Variants in CDK6 observed in about 807,000 individuals in gnomAD.
The protein encoded by CDK6 is cyclin-dependent kinase 6.
A neutral mutation model predicts 37.1 loss-of-function variants in CDK6; 6 were observed. The observed-to-expected ratio is 0.16, with a 90% confidence interval of 0.09 to 0.32. The LOEUF (loss-of-function observed/expected upper bound fraction) is 0.32. CDK6 is among the 10% of genes least tolerant of loss of function. The probability of loss-of-function intolerance (pLI) is 1.00; values close to 1 mark genes in which losing one functional copy is unlikely to be tolerated. For synonymous variants in CDK6, 160 were observed against 161.3 expected (o/e 0.99, Z 0.06); for missense variants, 224 against 418.9 (o/e 0.53, Z 4.06).
intron 3 of CDK6, among the ~76,000 whole-genome samples, chr7:92,764,139 CTTTT>C (rs397891071): frequency 7.1e-6 from 1 of 140,446 alleles, no homozygotes; most frequent in Non-Finnish European, 1.6e-5. Flanking sequence ...GTTTATTTGT[CTTTT>C]TTTTTTTTTT....
intron 2 of CDK6, among the ~76,000 whole-genome samples, chr7:92,817,681 C>CAT (rs143874344): frequency 0.018 from 2,730 of 150,592 alleles, 81 homozygotes; most frequent in African/African-American, 0.061. Context: ...AAATAAAAGA[C>CAT]ATATATATAT....
intron 4 of CDK6, among the ~76,000 whole-genome samples, chr7:92,695,855 G>A (rs939727490): frequency 6.6e-6 from 1 of 152,164 alleles, no homozygotes; most frequent in African/African-American, 2.4e-5. Context: ...CAGCTCTCAC[G>A]TTAACCCCTT....
rs554511628 is a variant in CDK6, at chr7:92,697,524, C to T, written c.538-25989G>A. Among the ~76,000 whole-genome samples the T allele has an allele frequency of 1.8e-4, 27 of 152,254 alleles. No individual in the cohort carries two copies. In the South Asian group the frequency reaches 5.2e-3, roughly 29 times the overall value. ...AACATGTTAATAACTACAGTAGTCC[C>T]ACAACTAGCCACTTGTCAGAGATAC... On this transcript the variant is annotated intron_variant, in intron 4 of 7. Transcript: ENST00000424848.
intron 4 of CDK6, among the ~76,000 whole-genome samples, chr7:92,693,143 AAC>A (rs1298328004): frequency 2.6e-5 from 4 of 152,198 alleles, no homozygotes; most frequent in African/African-American, 9.7e-5. Context: ...CACAGGCCCA[AAC>A]TCTCTTTTTT....
chr7:92,799,734 A>G (rs570262035), intron 2 of CDK6, among the ~76,000 whole-genome samples: 1 of 152,264 alleles, frequency 6.6e-6, no homozygotes, highest in Admixed American at 6.5e-5. Context: ...TTATTGTGGG[A>G]CAAATTATAT....
intron 5 of CDK6, among the ~76,000 whole-genome samples, chr7:92,657,244 T>G (rs1410435003): frequency 6.6e-6 from 1 of 152,220 alleles, no homozygotes; most frequent in Non-Finnish European, 1.5e-5. Flanking sequence ...CAGGTAGACC[T>G]GAGACTTTAT....
Position 92,607,946 on chromosome 7 carries a change from AT to A in CDK6, c.*7193del, listed in dbSNP as rs1554394052. The A allele has an allele frequency of 8.6e-6, 2 of 233,336 alleles. No individual in the cohort carries two copies. Among genetic ancestry groups the A allele is most frequent in the Non-Finnish European group, 1.7e-5 (2 of 117,934 alleles). 14.5% of individuals were successfully genotyped at this position (233,336 alleles called of 1,614,324 possible). A position where few individuals can be genotyped will look rare whatever the true frequency, so the allele number is the denominator to read the frequency against. ...TATTACTGCTGGGATTTGTTTTATT[AT>A]TCAGACTTTAAGATCAAACTGAGAG... On this transcript the variant is annotated 3_prime_UTR_variant, in exon 8 of 8. Transcript: ENST00000424848.
chr7:92,617,844 G>A (rs1042346099), intron 7 of CDK6, among the ~76,000 whole-genome samples: 61 of 152,310 alleles, frequency 4.0e-4, no homozygotes, highest in African/African-American at 1.4e-3. Context: ...AAAGATGGCA[G>A]ATTTAAAAAA....
At chr7:92,832,945 A>T in intron 2 of CDK6, 146 bp downstream of exon 2, 1 of 621,698 alleles carries the variant, frequency 1.6e-6, no homozygotes, top group Non-Finnish European at 2.8e-6. Context: ...GACAAAACTT[A>T]ACTCTCACTC....
intron 4 of CDK6, among the ~76,000 whole-genome samples, chr7:92,704,465 C>T (rs987138544): frequency 6.6e-6 from 1 of 152,136 alleles, no homozygotes; most frequent in African/African-American, 2.4e-5. Flanking sequence ...CTTCTCTTTA[C>T]CCCCACAGGC....
chr7:92,803,000 C>T (rs531057706), intron 2 of CDK6, among the ~76,000 whole-genome samples: 4 of 152,320 alleles, frequency 2.6e-5, no homozygotes, highest in South Asian at 2.1e-4. Flanking sequence ...CGTCATTCTG[C>T]GTTCTTACAG....
chr7:92,708,307 T>C (rs1798011022), intron 4 of CDK6, among the ~76,000 whole-genome samples: 1 of 152,204 alleles, frequency 6.6e-6, no homozygotes, highest in Non-Finnish European at 1.5e-5. Context: ...ATAATAGACA[T>C]AAACAGCTTC....
chr7:92,728,707 T>C (rs1798571057), intron 3 of CDK6, among the ~76,000 whole-genome samples: 1 of 152,218 alleles, frequency 6.6e-6, no homozygotes, highest in Non-Finnish European at 1.5e-5. Flanking sequence ...TGCCTATAGA[T>C]GTAAGTTGGT....
At chr7:92,820,797 T>G (rs943322163) in intron 2 of CDK6, among the ~76,000 whole-genome samples, 1 of 152,064 alleles carries the variant, frequency 6.6e-6, no homozygotes, top group Non-Finnish European at 1.5e-5. Flanking sequence ...GCATATTATC[T>G]AAATTTATGG....
At chr7:92,725,898 G>T (rs1399294525) in intron 3 of CDK6, 105 bp from the exon 4 acceptor site, 1 of 987,736 alleles carries the variant, frequency 1.0e-6, no homozygotes, top group African/African-American at 1.6e-5. Context: ...CTTGGCATGC[G>T]GCAGGCATTT....
intron 3 of CDK6, among the ~76,000 whole-genome samples, chr7:92,733,627 T>C (rs983958733): frequency 3.9e-5 from 6 of 152,230 alleles, no homozygotes; most frequent in Admixed American, 2.0e-4. Context: ...TTATATTCTA[T>C]GATTAGCAAA....
chr7:92,632,694 T>A (rs1796079606), intron 5 of CDK6, among the ~76,000 whole-genome samples: 1 of 152,112 alleles, frequency 6.6e-6, no homozygotes, highest in African/African-American at 2.4e-5. Context: ...CTGTTAAAAA[T>A]AACAAATTAT....
intron 2 of CDK6, among the ~76,000 whole-genome samples, chr7:92,820,828 A>G (rs1801153646): frequency 6.6e-6 from 1 of 152,142 alleles, no homozygotes; most frequent in Admixed American, 6.6e-5. Context: ...CAGAAGCACC[A>G]AAAACAGACA....
chr7:92,749,425 T>C (rs907422658), intron 3 of CDK6, among the ~76,000 whole-genome samples: 5 of 152,104 alleles, frequency 3.3e-5, no homozygotes, highest in Admixed American at 1.3e-4. Context: ...GATCTCACCA[T>C]TGCATTCTAG....
Sources: allele counts gnomAD v4.1 joint callset (sites outside exome capture counted in the v4.1 genomes callset), GRCh38; gene constraint gnomAD v4.1.1; transcripts MANE v1.5; gene names NCBI Gene and HGNC (gene_info 2026-07-23, HGNC 2026-07-21).